The following ARID1B variants were observed in gnomAD, a reference collection of about 807,000 sequenced individuals.
ARID1B encodes the protein AT-rich interactive domain-containing protein 1B.
In ARID1B, 30 loss-of-function variants were observed where a neutral mutation model predicts 212.3. The observed-to-expected ratio is 0.14, with a 90% CI of 0.11 to 0.19. ARID1B has a LOEUF of 0.19. ARID1B is among the 10% of genes least tolerant of loss of function. ARID1B has a pLI of 1.00. For synonymous variants in ARID1B, 1,402 were observed against 1,301.7 expected (o/e 1.08, Z -1.66); for missense variants, 2,891 against 3,204.0 (o/e 0.90, Z 2.36).
At chr6:156,813,357 C>T (rs931610844) in intron 1 of ARID1B, among the ~76,000 whole-genome samples, 2 of 151,602 alleles carry the variant, frequency 1.3e-5, no homozygotes, top group African/African-American at 4.9e-5. Flanking sequence ...AGGCAATCTG[C>T]CTGCCTTGGC....
At chr6:157,059,642 G>C (rs1783213542) in intron 4 of ARID1B, among the ~76,000 whole-genome samples, 3 of 152,156 alleles carry the variant, frequency 2.0e-5, no homozygotes, top group African/African-American at 7.2e-5. Context: ...AAGCTCTGGG[G>C]TTAAACAATG....
chr6:156,937,925 A>T (rs1792382149), intron 4 of ARID1B: 1 of 151,796 alleles, frequency 6.6e-6, no homozygotes, highest in Admixed American at 6.6e-5. Flanking sequence ...GATAAATAAG[A>T]TGCTGGTTGA....
chr6:156,874,838 G>C (rs1786418095), intron 2 of ARID1B, among the ~76,000 whole-genome samples: 1 of 152,114 alleles, frequency 6.6e-6, no homozygotes, highest in Admixed American at 6.5e-5. Context: ...CGTGCGTAGT[G>C]CCTTAAGCGT....
At chr6:156,868,673 C>T (rs1023029855) in intron 2 of ARID1B, among the ~76,000 whole-genome samples, 1 of 152,136 alleles carries the variant, frequency 6.6e-6, no homozygotes, top group Non-Finnish European at 1.5e-5. Flanking sequence ...TCCCGAAGGC[C>T]CCACCTTTTA....
intron 2 of ARID1B, among the ~76,000 whole-genome samples, chr6:156,848,372 A>T (rs1243874867): frequency 6.6e-6 from 1 of 152,236 alleles, no homozygotes; most frequent in Non-Finnish European, 1.5e-5. Flanking sequence ...ATGTGTCAGG[A>T]ATAAAGAATA....
chr6:157,133,269 A>G, intron 7 of ARID1B, 62 bp downstream of exon 7: 1 of 1,464,768 alleles, frequency 6.8e-7, no homozygotes, highest in Non-Finnish European at 9.1e-7. Context: ...TTAATGTGCT[A>G]GTCCTTCAAG....
At chr6:156,895,090 A>G (rs1306889471) in intron 2 of ARID1B, among the ~76,000 whole-genome samples, 3 of 152,250 alleles carry the variant, frequency 2.0e-5, no homozygotes, top group South Asian at 2.1e-4. Context: ...CAAGTTTCCA[A>G]ACTTTTTAAA....
intron 2 of ARID1B, chr6:156,870,487 G>A (rs890627056): frequency 1.3e-5 from 2 of 152,168 alleles, no homozygotes; most frequent in Admixed American, 6.5e-5. Flanking sequence ...GGGTAACATG[G>A]AATAAATATA....
rs749006707 is a variant in ARID1B at position 156,829,353 on chromosome 6, C to T, written c.1918C>T (p.Arg640Trp). 4.3e-6 allele frequency: 7 copies of T among 1,614,092 alleles called. No individual in the cohort carries two copies. Among genetic ancestry groups the T allele is most frequent in the Admixed American group, 3.3e-5 (2 of 60,014 alleles). The change falls in exon 2 of 20, where the codon CGG becomes TGG. Residue 640 changes from arginine to tryptophan, a missense_variant. Around this residue, in one of 7 missense-constraint regions of ARID1B, gnomAD observed 1,643 missense variants for 1,544.0 expected, o/e 1.06. Transcript: ENST00000636930. ...GGSYGPPGPQ[R>W]YPIGIQGRTP... ...TTCCTATGGCCCTCCAGGCCCACAGCGGTATCCAATTGGCATCCAGGGTCG... is the reference window on the plus strand; with the variant it reads ...TTCCTATGGCCCTCCAGGCCCACAGTGGTATCCAATTGGCATCCAGGGTCG...
chr6:157,066,389 AG>A (rs1783678599), intron 4 of ARID1B, among the ~76,000 whole-genome samples: 1 of 152,190 alleles, frequency 6.6e-6, no homozygotes, highest in African/African-American at 2.4e-5. Flanking sequence ...CTGTTTTCTG[AG>A]GACTGTATAT....
At chr6:156,936,977 C>T (rs1792286335) in intron 4 of ARID1B, 1 of 152,060 alleles carries the variant, frequency 6.6e-6, no homozygotes, top group Admixed American at 6.6e-5. Context: ...GTCTTTGAAT[C>T]TGATGGATAT....
At chr6:156,777,126 G>A (rs1778666586), upstream of ARID1B, 1 of 152,174 alleles carries the variant, frequency 6.6e-6, no homozygotes, top group Admixed American at 6.5e-5. Flanking sequence ...ACGCCCGGTT[G>A]GCAAGGAGAC....
intron 3 of ARID1B, among the ~76,000 whole-genome samples, chr6:156,907,742 C>CA (rs113702446): frequency 0.19 from 23,448 of 122,518 alleles, 2,021 homozygotes; most frequent in Middle Eastern, 0.25. Flanking sequence ...ACTAAAAATG[C>CA]AAAAAAAAAA....
In ARID1B at chr6:156,778,010, G is replaced by T. The variant is rs1403994771; in HGVS notation, c.330G>T (p.Glu110Asp). ...GCGGCTCCGAGGCGGCTCTCAAGGA[G>T]GGTGGAAGCGCCGCCGCGCTGTCCT... is the stretch of plus-strand genomic sequence containing the variant. ...KSGGSEAALK[E>D]GGSAAALSSS... The change falls in exon 1 of 20, where the codon GAG (glutamate) becomes GAT (aspartate). Residue 110 changes from glutamate (E) to aspartate (D), a missense_variant. Around this residue, in one of 7 missense-constraint regions of ARID1B, gnomAD observed 1,643 missense variants for 1,544.0 expected, o/e 1.06. Transcript: ENST00000636930. The T allele has an allele frequency of 1.8e-5, 28 of 1,533,184 alleles. No individual in the cohort carries two copies. Among genetic ancestry groups the T allele is most frequent in the Middle Eastern group, 3.8e-4 (2 of 5,220 alleles). 95.0% of individuals were successfully genotyped at this position (1,533,184 alleles called of 1,614,324 possible). A position where few individuals can be genotyped will look rare whatever the true frequency, so the allele number is the denominator to read the frequency against.
chr6:156,868,620 TC>T (rs1785888483), intron 2 of ARID1B, among the ~76,000 whole-genome samples: 6 of 152,184 alleles, frequency 3.9e-5, no homozygotes, highest in Non-Finnish European at 7.3e-5. Context: ...CCTAAGGGCT[TC>T]AGTACCATTC....
intron 2 of ARID1B, among the ~76,000 whole-genome samples, chr6:156,871,903 A>G (rs1786163709): frequency 6.6e-6 from 1 of 152,186 alleles, no homozygotes; most frequent in African/African-American, 2.4e-5. Context: ...TTGAGGAACC[A>G]CATTGTGCTT....
chr6:157,068,632 C>G (rs1279331437), intron 4 of ARID1B, among the ~76,000 whole-genome samples: 1 of 152,216 alleles, frequency 6.6e-6, no homozygotes, highest in African/African-American at 2.4e-5. Context: ...TTTTACTCTT[C>G]CTTTTATCAC....
chr6:157,069,699 A>T (rs1436776988), intron 4 of ARID1B, among the ~76,000 whole-genome samples: 2 of 152,240 alleles, frequency 1.3e-5, no homozygotes, highest in Admixed American at 1.3e-4. Flanking sequence ...GCCTAAAGCA[A>T]ACCTGGAGCC....
At chr6:156,895,491 G>T (rs1057284735) in intron 2 of ARID1B, among the ~76,000 whole-genome samples, 1 of 152,312 alleles carries the variant, frequency 6.6e-6, no homozygotes, top group Non-Finnish European at 1.5e-5. Context: ...TGTAGTCAGG[G>T]ACTTGGCCTT....
Sources: allele counts gnomAD v4.1 joint callset (sites outside exome capture counted in the v4.1 genomes callset), GRCh38; gene constraint gnomAD v4.1.1; regional missense constraint gnomAD v4.1.1; transcripts MANE v1.5; gene names NCBI Gene and HGNC (gene_info 2026-07-23, HGNC 2026-07-21).